TMEM150C: variants seen among roughly 807,000 people sequenced by gnomAD.
TMEM150C encodes transmembrane protein 150C.
A neutral mutation model predicts 29.9 loss-of-function variants in TMEM150C; 10 were observed. The observed-to-expected ratio is 0.33, with a 90% CI of 0.21 to 0.57. TMEM150C has a LOEUF of 0.57. Among genes scored for constraint, TMEM150C ranks in the 20% least tolerant of loss-of-function variants. The pLI, the probability that TMEM150C is intolerant of heterozygous loss-of-function variation, is 0.88. For synonymous variants in TMEM150C, 101 were observed against 112.5 expected (o/e 0.90, Z 0.64); for missense variants, 251 against 303.6 (o/e 0.83, Z 1.29).
chr4:82,530,084 A>ATCTCTC (rs144911438), intron 1 of TMEM150C, among the ~76,000 whole-genome samples: 94 of 147,246 alleles, frequency 6.4e-4, no homozygotes, highest in African/African-American at 2.2e-3. Context: ...CTCTCTTTCA[A>ATCTCTC]TCTCTCTCTC....
chr4:82,497,637 T>C (rs931441017), intron 5 of TMEM150C, among the ~76,000 whole-genome samples: 1 of 152,234 alleles, frequency 6.6e-6, no homozygotes, highest in Admixed American at 6.5e-5. Flanking sequence ...AGCCCTGATA[T>C]ATCTTTCAGT....
chr4:82,530,631 G>A (rs1724812512), intron 1 of TMEM150C, among the ~76,000 whole-genome samples: 1 of 152,204 alleles, frequency 6.6e-6, no homozygotes, highest in Non-Finnish European at 1.5e-5. Flanking sequence ...GAATTCCTAA[G>A]TTTGTCTCCA....
At chr4:82,533,543 A>C (rs1724918185) in intron 1 of TMEM150C, among the ~76,000 whole-genome samples, 1 of 152,314 alleles carries the variant, frequency 6.6e-6, no homozygotes, top group East Asian at 1.9e-4. Flanking sequence ...TCTACCGTTT[A>C]TGTCTTAAAC....
chr4:82,549,891 G>A (rs1434219487), intron 1 of TMEM150C, among the ~76,000 whole-genome samples: 1 of 152,146 alleles, frequency 6.6e-6, no homozygotes, highest in African/African-American at 2.4e-5. Context: ...GAGAGGTACA[G>A]GACCACAGAA....
chr4:82,505,584 A>G (rs1474033469), intron 1 of TMEM150C, among the ~76,000 whole-genome samples: 1 of 152,340 alleles, frequency 6.6e-6, no homozygotes, highest in East Asian at 1.9e-4. Flanking sequence ...TAAATTAGCA[A>G]TTATCAGGAG....
chr4:82,510,150 G>A (rs12507730), intron 1 of TMEM150C, among the ~76,000 whole-genome samples: 10,201 of 151,992 alleles, frequency 0.067, 377 homozygotes, highest in East Asian at 0.1. Context: ...ATGGTGGCAC[G>A]CGCCTGTAGT....
chr4:82,500,238 A>T (rs1723694655), intron 5 of TMEM150C, among the ~76,000 whole-genome samples: 1 of 152,242 alleles, frequency 6.6e-6, no homozygotes, highest in African/African-American at 2.4e-5. Flanking sequence ...TAGATTGTAA[A>T]GTATAATCTA....
At chr4:82,548,234 C>T (rs1725450027) in intron 1 of TMEM150C, among the ~76,000 whole-genome samples, 1 of 152,148 alleles carries the variant, frequency 6.6e-6, no homozygotes, top group South Asian at 2.1e-4. Context: ...GGGTACTATG[C>T]TCAGTACCTG....
chr4:82,516,865 T>C (rs1724311542), intron 1 of TMEM150C, among the ~76,000 whole-genome samples: 1 of 152,200 alleles, frequency 6.6e-6, no homozygotes, highest in South Asian at 2.1e-4. Context: ...ATGTGAAATA[T>C]ACCAGATCAT....
chr4:82,525,351 AC>A (rs1267364089), intron 1 of TMEM150C, among the ~76,000 whole-genome samples: 5 of 152,188 alleles, frequency 3.3e-5, no homozygotes, highest in African/African-American at 1.2e-4. Flanking sequence ...CCATGCTGAA[AC>A]TGAGTAATAA....
intron 1 of TMEM150C, among the ~76,000 whole-genome samples, chr4:82,554,897 A>G (rs1025109557): frequency 2.6e-5 from 4 of 152,168 alleles, no homozygotes; most frequent in African/African-American, 9.7e-5. Context: ...CTGTCCTCAG[A>G]GATGGAAGAT....
chr4:82,533,020 G>A (rs112238094), intron 1 of TMEM150C, among the ~76,000 whole-genome samples: 13,131 of 152,134 alleles, frequency 0.086, 704 homozygotes, highest in Middle Eastern at 0.22. Flanking sequence ...GAGCCACTGC[G>A]CCCGGCCTCA....
chr4:82,519,606 T>C (rs986745393), intron 1 of TMEM150C, among the ~76,000 whole-genome samples: 2 of 152,010 alleles, frequency 1.3e-5, no homozygotes, highest in Admixed American at 1.3e-4. Flanking sequence ...TTTGTAATTT[T>C]AGTAGAGATG....
intron 1 of TMEM150C, among the ~76,000 whole-genome samples, chr4:82,559,075 CT>C (rs1725833523): frequency 6.6e-6 from 1 of 152,202 alleles, no homozygotes; most frequent in Non-Finnish European, 1.5e-5. Flanking sequence ...GATCCACCCC[CT>C]GCCTGCAAAA....
At chr4:82,514,546 T>C (rs1185986754) in intron 1 of TMEM150C, among the ~76,000 whole-genome samples, 1 of 152,038 alleles carries the variant, frequency 6.6e-6, no homozygotes, top group Non-Finnish European at 1.5e-5. Context: ...GTGTGTTCTA[T>C]GTGTAGAAAT....
intron 6 of TMEM150C, chr4:82,491,340 A>T: frequency 1.5e-6 from 1 of 648,890 alleles, no homozygotes; most frequent in Non-Finnish European, 2.8e-6. Flanking sequence ...TAGCTTAAGC[A>T]GCTGAGTAGC....
At chr4:82,539,598 G>A (rs553906073) in intron 1 of TMEM150C, among the ~76,000 whole-genome samples, 19 of 152,120 alleles carry the variant, frequency 1.2e-4, no homozygotes, top group Non-Finnish European at 2.1e-4. Context: ...GACTACAGGC[G>A]CCCGCCACCA....
chr4:82,541,977 A>T (rs1025544415), intron 1 of TMEM150C, among the ~76,000 whole-genome samples: 2 of 152,224 alleles, frequency 1.3e-5, no homozygotes, highest in African/African-American at 4.8e-5. Flanking sequence ...AGGTAGAAAT[A>T]CAGCTGCCAA....
At chr4:82,527,393 T>C (rs1724690576) in intron 1 of TMEM150C, among the ~76,000 whole-genome samples, 1 of 152,266 alleles carries the variant, frequency 6.6e-6, no homozygotes, top group Admixed American at 6.5e-5. Context: ...CTCCCCTACT[T>C]GGTGTGGGGC....
Sources: gnomAD v4.1 joint callset for allele counts (sites outside exome capture counted in the v4.1 genomes callset) on GRCh38, gnomAD v4.1.1 for gene constraint, MANE v1.5 for transcripts, NCBI Gene and HGNC (gene_info 2026-07-23, HGNC 2026-07-21) for gene names.